ADORA2B: variants seen among roughly 807,000 people sequenced by gnomAD.
ADORA2B encodes the protein adenosine A2b receptor.
A neutral mutation model predicts 20.8 loss-of-function variants in ADORA2B; 18 were observed. The ratio of observed to expected loss-of-function variants is 0.87; its 90% confidence interval spans 0.60 to 1.29. ADORA2B has a LOEUF of 1.29. ADORA2B is among the 50% of genes most tolerant of loss of function. ADORA2B has a pLI of 0.00. For synonymous variants in ADORA2B, 179 were observed against 178.3 expected, an observed-to-expected ratio of 1.00 and a Z score of -0.03; for missense variants, 441 against 422.7, an observed-to-expected ratio of 1.04 and a Z score of -0.38.
At chr17:15,853,914 A>G in the ADORA2B span, among the ~76,000 whole-genome samples, 1 of 152,144 alleles carries the variant, frequency 6.6e-6, no homozygotes, top group African/African-American at 2.4e-5. Context: ...ATCCAGAACA[A>G]AATCTTGGAA....
At chr17:15,936,374 A>G in the ADORA2B span, among the ~76,000 whole-genome samples, 10 of 151,562 alleles carry the variant, frequency 6.6e-5, no homozygotes, top group South Asian at 1.5e-3. Flanking sequence ...GCTGGAGTGC[A>G]GTGGTGCAAT....
the ADORA2B span, among the ~76,000 whole-genome samples, chr17:15,863,879 T>G: frequency 8.5e-5 from 13 of 152,224 alleles, no homozygotes; most frequent in Non-Finnish European, 1.6e-4. Flanking sequence ...ATTTCATGTT[T>G]ATTTCACACT....
chr17:15,852,474 T>C, the ADORA2B span, among the ~76,000 whole-genome samples: 3 of 151,950 alleles, frequency 2.0e-5, no homozygotes, highest in African/African-American at 4.8e-5. Context: ...TAAAAAAATA[T>C]ATGGTGTCAT....
upstream of ADORA2B, among the ~76,000 whole-genome samples, chr17:15,944,588 G>A (rs1169080712): frequency 6.6e-6 from 1 of 152,050 alleles, no homozygotes; most frequent in Non-Finnish European, 1.5e-5. This position sits in a 1 kb window ranked among gnomAD's most constrained non-coding sequence, Gnocchi z 4.8. Flanking sequence ...CAGCCCCCGA[G>A]GGCTCCTTGC....
intron 1 of ADORA2B, among the ~76,000 whole-genome samples, chr17:15,945,913 G>C (rs113146623): frequency 0.031 from 4,653 of 152,254 alleles, 243 homozygotes; most frequent in African/African-American, 0.11. Flanking sequence ...TCACCCCCGT[G>C]GGCGGGTGGA....
intron 1 of ADORA2B, among the ~76,000 whole-genome samples, chr17:15,967,882 AG>A (rs1970141107): frequency 6.6e-6 from 1 of 152,130 alleles, no homozygotes. Context: ...ACTGGGTGGC[AG>A]TGTGAGTGGA....
the ADORA2B span, among the ~76,000 whole-genome samples, chr17:15,876,442 CTTTTTTCT>C: frequency 8.7e-5 from 10 of 115,480 alleles, no homozygotes; most frequent in South Asian, 2.6e-4. Flanking sequence ...TCTTTCTTTT[CTTTTTTCT>C]TTTTTTTTTT....
the ADORA2B span, among the ~76,000 whole-genome samples, chr17:15,852,565 CAG>C: frequency 6.6e-6 from 1 of 151,840 alleles, no homozygotes; most frequent in African/African-American, 2.4e-5. Flanking sequence ...GCAACAGAAA[CAG>C]ACACAGGAGA....
Position 15,952,675 on chromosome 17 carries a change from C to T in ADORA2B, c.335+7092C>T, listed in dbSNP as rs115679132. Among the ~76,000 whole-genome samples the T allele has an allele frequency of 3.9e-3, 592 of 152,274 alleles. 7 individuals are homozygous for T. The highest frequency in any genetic ancestry group is 0.013 in the African/African-American group (557 of 41,550). ...GACTCCAGCTAACCTGTCAAATGGA[C>T]GAGTGAGGAAAGAAGCTAAGCCCTG... On this transcript the variant is annotated intron_variant, in intron 1 of 1. Transcript: ENST00000304222.
At chr17:15,938,210 TAGAAAGGAAGGAA>T in the ADORA2B span, among the ~76,000 whole-genome samples, 1 of 151,450 alleles carries the variant, frequency 6.6e-6, no homozygotes, top group Non-Finnish European at 1.5e-5. Flanking sequence ...GGAAGGAAGT[TAGAAAGGAAGGAA>T]GGAAAGGAAA....
chr17:15,950,157 G>A (rs759981565), intron 1 of ADORA2B, among the ~76,000 whole-genome samples: 3 of 152,158 alleles, frequency 2.0e-5, no homozygotes, highest in African/African-American at 7.2e-5. Context: ...TTATCTGGGC[G>A]GCCTCTTAAT....
At chr17:15,966,899 A>G (rs1236305138) in intron 1 of ADORA2B, among the ~76,000 whole-genome samples, 1 of 152,214 alleles carries the variant, frequency 6.6e-6, no homozygotes, top group East Asian at 1.9e-4. Flanking sequence ...GCCTCACTGC[A>G]GTGCTCAGTG....
At chr17:15,938,452 G>A in the ADORA2B span, among the ~76,000 whole-genome samples, 6 of 152,034 alleles carry the variant, frequency 3.9e-5, no homozygotes, top group South Asian at 2.1e-4. Flanking sequence ...ACAGGCGCCC[G>A]CCACCACGCC....
chr17:15,898,656 T>C, the ADORA2B span, among the ~76,000 whole-genome samples: 5 of 152,130 alleles, frequency 3.3e-5, no homozygotes, highest in African/African-American at 1.2e-4. Context: ...CGTGAGCCAC[T>C]GCGCCCGGCC....
the ADORA2B span, among the ~76,000 whole-genome samples, chr17:15,890,161 C>A: frequency 3.1e-5 from 4 of 129,908 alleles, no homozygotes; most frequent in Non-Finnish European, 4.9e-5. Flanking sequence ...TTCCCCATAT[C>A]TTCATTAATC....
At chr17:15,895,469 G>T in the ADORA2B span, among the ~76,000 whole-genome samples, 1 of 152,126 alleles carries the variant, frequency 6.6e-6, no homozygotes, top group East Asian at 1.9e-4. Context: ...GCAGGCAGGC[G>T]GTTGCACAGC....
the ADORA2B span, among the ~76,000 whole-genome samples, chr17:15,938,581 C>A: frequency 6.6e-6 from 1 of 152,202 alleles, no homozygotes; most frequent in Non-Finnish European, 1.5e-5. Flanking sequence ...GGATTACAGG[C>A]ATGAGCCACC....
At chr17:15,860,137 A>G in the ADORA2B span, among the ~76,000 whole-genome samples, 11 of 152,160 alleles carry the variant, frequency 7.2e-5, no homozygotes, top group African/African-American at 2.4e-4. Context: ...TGCTTGCTCA[A>G]TCGATCACGA....
At chr17:15,853,764 C>T in the ADORA2B span, among the ~76,000 whole-genome samples, 6 of 152,044 alleles carry the variant, frequency 3.9e-5, no homozygotes, top group African/African-American at 1.5e-4. Context: ...CATACAGAGA[C>T]TAGAAAAAGA....
Sources: allele counts gnomAD v4.1 joint callset (sites outside exome capture counted in the v4.1 genomes callset), GRCh38; gene constraint gnomAD v4.1.1; non-coding constraint Gnocchi (gnomAD v3.1); transcripts MANE v1.5; gene names NCBI Gene and HGNC (gene_info 2026-07-23, HGNC 2026-07-21).